NAALAD2: variants seen among roughly 807,000 people sequenced by gnomAD.
NAALAD2 encodes N-acetylated alpha-linked acidic dipeptidase 2.
A neutral mutation model predicts 95.6 loss-of-function variants in NAALAD2; 89 were observed. The ratio of observed to expected loss-of-function variants is 0.93; its 90% confidence interval spans 0.78 to 1.11. NAALAD2 has a LOEUF of 1.11. NAALAD2 is among the 50% of genes least tolerant of loss of function. The pLI, the probability that NAALAD2 is intolerant of heterozygous loss-of-function variation, is 0.00. For missense variants in NAALAD2, 894 were observed against 872.4 expected, an observed-to-expected ratio of 1.02 and a Z score of -0.31; for synonymous variants, 264 against 294.4, an observed-to-expected ratio of 0.90 and a Z score of 1.06.
Position 90,162,934 on chromosome 11 carries a change from C to T in NAALAD2, c.990-15C>T. On this transcript the variant is annotated splice_polypyrimidine_tract_variant and intron_variant, in intron 8 of 18. Transcript: ENST00000534061. ...ATTTGCTGTACTAAGTAATTTATTC[C>T]TTTTAAAATTCTAGGAAGGTTAGAA... The T allele has an allele frequency of 2.2e-6, 3 of 1,366,332 alleles. No homozygotes were observed. The highest frequency in any genetic ancestry group is 2.0e-6 in the Non-Finnish European group (2 of 982,960). 84.6% of individuals were successfully genotyped at this position (1,366,332 alleles called of 1,614,324 possible). A position where few individuals can be genotyped will look rare whatever the true frequency, so the allele number is the denominator to read the frequency against.
chr11:90,177,749 G>A (rs573415618), intron 15 of NAALAD2, 104 bp from the exon 16 acceptor site: 1 of 1,195,206 alleles, frequency 8.4e-7, no homozygotes, highest in South Asian at 1.6e-5. Context: ...CACCATGACT[G>A]GCTGGTTGTT....
chr11:90,172,342 A>C (rs2134955561), intron 13 of NAALAD2, among the ~76,000 whole-genome samples: 2 of 152,308 alleles, frequency 1.3e-5, no homozygotes, highest in Admixed American at 1.3e-4. Flanking sequence ...GCTAAGGGCA[A>C]GTGACCACTT....
intron 14 of NAALAD2, 27 bp downstream of exon 14, chr11:90,173,942 A>G: frequency 1.4e-6 from 2 of 1,435,136 alleles, no homozygotes; most frequent in East Asian, 2.3e-5. Flanking sequence ...CACCTTTTCT[A>G]CTGTAGGATA....
intron 13 of NAALAD2, among the ~76,000 whole-genome samples, chr11:90,170,645 G>A (rs571908472): frequency 6.6e-6 from 1 of 152,304 alleles, no homozygotes; most frequent in South Asian, 2.1e-4. Flanking sequence ...TTGATACTAT[G>A]TATGATGGAG....
chr11:90,159,213 C>T (rs765819859), intron 7 of NAALAD2, 26 bp from the exon 8 acceptor site: 23 of 1,539,864 alleles, frequency 1.5e-5, no homozygotes, highest in Non-Finnish European at 2.7e-6. Context: ...TAGCCTTTTT[C>T]TGTCACTTTC....
Position 90,147,383 on chromosome 11 carries a change from C to T in NAALAD2, c.248C>T (p.Ala83Val). 1 of 1,613,944 alleles carries T rather than the reference C, an allele frequency of 6.2e-7. No individual in the cohort carries two copies. The highest frequency in any genetic ancestry group is 8.5e-7 in the Non-Finnish European group (1 of 1,179,954). ...LAGTEQNFLL[A>V]KKIQTQWKKF... ...GGAACAGAACAAAATTTCTTGCTTG[C>T]CAAGAAAATCCAAACCCAGTGGAAG... Residue 83 changes from alanine to valine, a missense_variant, in exon 3 of 19, where the codon GCC becomes GTC. By Grantham distance (64) the Ala-to-Val change is moderately conservative (BLOSUM62 0). Coordinates refer to ENST00000534061, the MANE Select transcript of NAALAD2 (RefSeq NM_005467.4).
In NAALAD2 at chr11:90,170,099, C is replaced by G. The variant is rs753044181; in HGVS notation, c.1373C>G (p.Pro458Arg). The G allele has an allele frequency of 6.3e-7, 1 of 1,590,996 alleles. No individual in the cohort carries two copies. Among genetic ancestry groups the G allele is most frequent in the East Asian group, 2.2e-5 (1 of 44,608 alleles). The change falls in exon 13 of 19, where the codon CCC (proline) becomes CGC (arginine). Residue 458 changes from proline to arginine, a missense_variant. Pro to Arg is a moderately radical substitution (Grantham distance 103). Transcript: ENST00000534061. Reference protein sequence around the residue: ...GNYTLRVDCTPLLYQLVYKLT... With the variant: ...GNYTLRVDCTRLLYQLVYKLT... ...TATACTCTCAGAGTTGACTGTACTC[C>G]CCTTCTTTACCAATTAGTGTATAAA...
chr11:90,168,673 T>A (rs78520817), intron 11 of NAALAD2, among the ~76,000 whole-genome samples: 1 of 152,178 alleles, frequency 6.6e-6, no homozygotes, highest in Non-Finnish European at 1.5e-5. Context: ...TATTTTTTTT[T>A]CTTAGGGCTC....
chr11:90,187,052 G>T (rs1857167187), intron 18 of NAALAD2, among the ~76,000 whole-genome samples: 1 of 152,056 alleles, frequency 6.6e-6, no homozygotes, highest in Non-Finnish European at 1.5e-5. Context: ...CATTTATGCA[G>T]CCAAAAACAC....
intron 2 of NAALAD2, among the ~76,000 whole-genome samples, chr11:90,138,936 G>C (rs1002101195): frequency 5.3e-5 from 8 of 151,444 alleles, no homozygotes; most frequent in Non-Finnish European, 1.2e-4. Context: ...ATTTTTTTCA[G>C]AATTTCATGA....
intron 11 of NAALAD2, among the ~76,000 whole-genome samples, chr11:90,166,950 G>A (rs1026383786): frequency 2.6e-5 from 4 of 152,148 alleles, no homozygotes; most frequent in Non-Finnish European, 4.4e-5. Context: ...AGGAGTTCGA[G>A]AACAGCCTGG....
Position 90,155,316 on chromosome 11 carries a change from A to G in NAALAD2, c.797-2829A>G, listed in dbSNP as rs553163414. On this transcript the variant is annotated intron_variant, in intron 6 of 18. Coordinates refer to ENST00000534061, the MANE Select transcript of NAALAD2 (RefSeq NM_005467.4). ...TATGTATATATAATGTATATATTAT[A>G]TATAATATATAATGTATAATTATAT... 1.7e-5 allele frequency among the ~76,000 whole-genome samples: 2 copies of G among 119,442 alleles called. 1 individual carries two copies. Among genetic ancestry groups the G allele is most frequent in the South Asian group, 4.9e-4 (2 of 4,096 alleles). 78.4% of individuals were successfully genotyped at this position (119,442 alleles called of 152,430 possible).
chr11:90,133,664 G>C (rs974067259), upstream of NAALAD2, among the ~76,000 whole-genome samples: 1 of 152,148 alleles, frequency 6.6e-6, no homozygotes, highest in Non-Finnish European at 1.5e-5. Flanking sequence ...ATGAATTTTA[G>C]GGAAATTCAA....
chr11:90,164,136 T>C (rs915074331), intron 11 of NAALAD2: 4 of 159,238 alleles, frequency 2.5e-5, no homozygotes, highest in African/African-American at 7.2e-5. Context: ...TGCTTCATTG[T>C]TAAGTATAAA....
chr11:90,150,126 A>G (rs1196552185), intron 4 of NAALAD2, among the ~76,000 whole-genome samples: 1 of 152,048 alleles, frequency 6.6e-6, no homozygotes, highest in African/African-American at 2.4e-5. Context: ...ATGGTGGCGC[A>G]TGTCTGTAAT....
At chr11:90,170,919 A>G (rs912639993) in intron 13 of NAALAD2, among the ~76,000 whole-genome samples, 1 of 152,204 alleles carries the variant, frequency 6.6e-6, no homozygotes. Flanking sequence ...GGCATAACCA[A>G]TGGGCCAAGG....
At chr11:90,185,944 G>A (rs1418245947) in intron 18 of NAALAD2, among the ~76,000 whole-genome samples, 2 of 149,750 alleles carry the variant, frequency 1.3e-5, no homozygotes, top group Admixed American at 6.7e-5. Flanking sequence ...GCCTTTTCTG[G>A]CTCATTGGCT....
intron 5 of NAALAD2, among the ~76,000 whole-genome samples, chr11:90,150,844 A>G (rs908294931): frequency 6.6e-6 from 1 of 152,032 alleles, no homozygotes; most frequent in Admixed American, 6.6e-5. Flanking sequence ...TAGAAATTTA[A>G]TTGAAGGAAA....
chr11:90,135,273 G>C, intron 1 of NAALAD2: 1 of 325,596 alleles, frequency 3.1e-6, no homozygotes, highest in Non-Finnish European at 5.5e-6. Flanking sequence ...TCAGGGACTA[G>C]AGATCCAGGG....
Sources: gnomAD v4.1 joint callset for allele counts (sites outside exome capture counted in the v4.1 genomes callset) on GRCh38, gnomAD v4.1.1 for gene constraint, MANE v1.5 for transcripts, NCBI Gene and HGNC (gene_info 2026-07-23, HGNC 2026-07-21) for gene names.